CLEC16A: variants seen among roughly 807,000 people sequenced by gnomAD.
The protein encoded by CLEC16A is protein CLEC16A.
In CLEC16A, 51 loss-of-function variants were observed where a neutral mutation model predicts 109.5. The ratio of observed to expected loss-of-function variants is 0.47; its 90% CI spans 0.37 to 0.59. The LOEUF (loss-of-function observed/expected upper bound fraction) is 0.59, where lower values mean the gene tolerates loss of function less well. Among genes scored for constraint, CLEC16A ranks in the 20% least tolerant of loss-of-function variants. The pLI, the probability that CLEC16A is intolerant of heterozygous loss-of-function variation, is 0.00. For synonymous variants in CLEC16A, 673 were observed against 564.2 expected (o/e 1.19, Z -2.73); for missense variants, 1,339 against 1,394.0 (o/e 0.96, Z 0.63).
chr16:11,044,423 A>G lies in CLEC16A; in HGVS notation c.1815+351A>G, dbSNP rs145201577. Among the ~76,000 whole-genome samples the G allele has an allele frequency of 2.9e-3, 444 of 152,376 alleles. 1 individual carries two copies. Among genetic ancestry groups the G allele is most frequent in the African/African-American group, 0.01 (418 of 41,588 alleles). On this transcript the variant is annotated intron_variant, in intron 16 of 23. Coordinates refer to ENST00000409790, the MANE Select transcript of CLEC16A (RefSeq NM_015226.3). ...TATGATGCACTTATGTTCATAAGTT[A>G]TATATGCTTACACATATAAAATTAC...
chr16:11,169,965 T>G (rs2068435847), intron 23 of CLEC16A, among the ~76,000 whole-genome samples: 1 of 152,014 alleles, frequency 6.6e-6, no homozygotes. Flanking sequence ...CATTGTACAG[T>G]AGAAAACACA....
At chr16:11,047,447 C>T in intron 17 of CLEC16A, 105 bp downstream of exon 17, 1 of 669,518 alleles carries the variant, frequency 1.5e-6, no homozygotes, top group South Asian at 3.1e-5. Context: ...GCTTTGTGAC[C>T]AAATAGCACA....
At chr16:11,008,817 C>T (rs1384713025) in intron 11 of CLEC16A, among the ~76,000 whole-genome samples, 61 of 139,782 alleles carry the variant, frequency 4.4e-4, no homozygotes, top group Non-Finnish European at 7.2e-4. Context: ...AGTGACACCC[C>T]GTCTCTACTA....
At chr16:11,129,561 C>G (rs2053052423) in intron 22 of CLEC16A, among the ~76,000 whole-genome samples, 1 of 152,220 alleles carries the variant, frequency 6.6e-6, no homozygotes, top group Admixed American at 6.5e-5. Flanking sequence ...GATTTCCAGA[C>G]CACACTTTGA....
chr16:11,097,318 C>T (rs548323170), intron 19 of CLEC16A, among the ~76,000 whole-genome samples: 1 of 152,186 alleles, frequency 6.6e-6, no homozygotes, highest in Non-Finnish European at 1.5e-5. Flanking sequence ...ACATCCCTTA[C>T]CAATTTTCTT....
chr16:11,075,529 GGGGCTCAA>G (rs1248085391), intron 19 of CLEC16A, among the ~76,000 whole-genome samples: 1 of 151,898 alleles, frequency 6.6e-6, no homozygotes, highest in Admixed American at 6.6e-5. Flanking sequence ...TTGAACCCCG[GGGGCTCAA>G]GGGCTCCTCC....
chr16:11,178,376 G>C lies in CLEC16A; in HGVS notation c.2848G>C (p.Asp950His). 1.9e-6 allele frequency: 3 copies of C among 1,613,698 alleles called. No individual in the cohort carries two copies. Among genetic ancestry groups the C allele is most frequent in the Non-Finnish European group, 2.5e-6 (3 of 1,179,798 alleles). ...AGAACTGCCTAAGCCTCACCTTCCTGACCAGTTGGTAATCGTCAACGAAAC... is the reference window on the plus strand; with the variant it reads ...AGAACTGCCTAAGCCTCACCTTCCTCACCAGTTGGTAATCGTCAACGAAAC... ...SPELPKPHLPDQLVIVNETEA... is the reference protein window; with the variant it reads ...SPELPKPHLPHQLVIVNETEA... Residue 950 changes from aspartate (D) to histidine (H), a missense_variant, in exon 24 of 24, where the codon GAC becomes CAC. By Grantham distance (81) the Asp-to-His change is moderately conservative (BLOSUM62 -1). Coordinates refer to ENST00000409790, the MANE Select transcript of CLEC16A (RefSeq NM_015226.3). This position sits in a 1 kb window ranked among gnomAD's most constrained non-coding sequence, Gnocchi z 6.5.
At chr16:10,963,740 C>T (rs2042367345) in intron 3 of CLEC16A, among the ~76,000 whole-genome samples, 2 of 152,210 alleles carry the variant, frequency 1.3e-5, no homozygotes, top group South Asian at 4.1e-4. Flanking sequence ...CCAGCTCTAG[C>T]AAAGCCAGAA....
intron 13 of CLEC16A, among the ~76,000 whole-genome samples, chr16:11,033,693 T>G (rs2046871905): frequency 6.6e-6 from 1 of 152,156 alleles, no homozygotes; most frequent in African/African-American, 2.4e-5. Context: ...TTCCTCATAG[T>G]CAATTTTAAC....
intron 20 of CLEC16A, among the ~76,000 whole-genome samples, chr16:11,123,491 C>T (rs539158466): frequency 6.6e-6 from 1 of 152,314 alleles, no homozygotes; most frequent in South Asian, 2.1e-4. Flanking sequence ...GGAAAACAGG[C>T]ACCAGCCACC....
intron 19 of CLEC16A, among the ~76,000 whole-genome samples, chr16:11,103,324 A>C (rs1464065901): frequency 6.6e-6 from 1 of 152,246 alleles, no homozygotes; most frequent in East Asian, 1.9e-4. Context: ...TCACTCCTGT[A>C]ATCCCAGCAC....
intron 19 of CLEC16A, among the ~76,000 whole-genome samples, chr16:11,077,662 C>G (rs2049456330): frequency 6.6e-6 from 1 of 151,850 alleles, no homozygotes; most frequent in Non-Finnish European, 1.5e-5. Flanking sequence ...CTGTCAAAAA[C>G]AAAAAGAGCA....
intron 19 of CLEC16A, among the ~76,000 whole-genome samples, chr16:11,094,345 T>C (rs1183987141): frequency 6.6e-6 from 1 of 152,176 alleles, no homozygotes; most frequent in Non-Finnish European, 1.5e-5. Context: ...GCCTGATAAG[T>C]TTCCAGCCCT....
intron 19 of CLEC16A, among the ~76,000 whole-genome samples, chr16:11,077,429 G>A (rs1386730288): frequency 6.8e-6 from 1 of 146,430 alleles, no homozygotes; most frequent in East Asian, 2.0e-4. Context: ...CCAAGATTGT[G>A]CCACTGCACT....
intron 13 of CLEC16A, among the ~76,000 whole-genome samples, chr16:11,032,723 A>G (rs1362746120): frequency 2.0e-5 from 3 of 152,108 alleles, no homozygotes; most frequent in Non-Finnish European, 4.4e-5. Context: ...CTCTGCAAAG[A>G]CCTGGGGCAA....
intron 19 of CLEC16A, among the ~76,000 whole-genome samples, chr16:11,085,529 A>T (rs2049964820): frequency 6.6e-6 from 1 of 152,266 alleles, no homozygotes; most frequent in Non-Finnish European, 1.5e-5. Context: ...GCCCAACAAC[A>T]TAACATAGGA....
chr16:10,969,357 CTTTTTTT>C, intron 4 of CLEC16A, 48 bp downstream of exon 4: 5 of 999,052 alleles, frequency 5.0e-6, no homozygotes, highest in African/African-American at 2.1e-5. Context: ...CCACACGTGG[CTTTTTTT>C]TTTTTTTTTT....
intron 22 of CLEC16A, among the ~76,000 whole-genome samples, chr16:11,160,845 G>T (rs116146210): frequency 5.3e-5 from 8 of 152,284 alleles, no homozygotes; most frequent in African/African-American, 1.9e-4. Context: ...ATAGCTCAGG[G>T]CAGCTGCTGG....
Position 10,979,394 on chromosome 16 carries a change from C to T in CLEC16A, c.957+12C>T. 1 of 1,611,848 alleles carries T rather than the reference C, an allele frequency of 6.2e-7. No individual in the cohort carries two copies. The highest frequency in any genetic ancestry group is 1.1e-5 in the South Asian group (1 of 90,578). ...ATCTTCTGTCACAGGTATGCTTGAT[C>T]ATTCACCAATGTCCCCACTACATTT... On this transcript the variant is annotated intron_variant, in intron 9 of 23. Transcript: ENST00000409790.
Sources: allele counts gnomAD v4.1 joint callset (sites outside exome capture counted in the v4.1 genomes callset), GRCh38; gene constraint gnomAD v4.1.1; non-coding constraint Gnocchi (gnomAD v3.1); transcripts MANE v1.5; gene names NCBI Gene and HGNC (gene_info 2026-07-23, HGNC 2026-07-21).